ROBO2: variants seen among roughly 807,000 people sequenced by gnomAD.
The protein encoded by ROBO2 is roundabout homolog 2.
A neutral mutation model predicts 160.8 loss-of-function variants in ROBO2; 53 were observed. The observed-to-expected ratio is 0.33, with a 90% confidence interval of 0.26 to 0.41. ROBO2 has a LOEUF of 0.41. ROBO2 is among the 10% of genes least tolerant of loss of function. The pLI, the probability that ROBO2 is intolerant of heterozygous loss-of-function variation, is 1.00. For synonymous variants in ROBO2, 664 were observed against 611.7 expected (o/e 1.09, Z -1.26); for missense variants, 1,577 against 1,722.4 (o/e 0.92, Z 1.49).
At position 77,501,511 on chromosome 3, in the gene ROBO2, G is replaced by A. The variant is rs146939064; in HGVS notation, c.806+8129G>A. Among the ~76,000 whole-genome samples, 759 of 152,204 alleles carry A rather than the reference G, an allele frequency of 5.0e-3. 3 individuals carry two copies. The highest frequency in any genetic ancestry group is 0.017 in the African/African-American group (702 of 41,522). ...GTATAATAGAATTTAAGAGATCAAT[G>A]TTCTTATCCCAGCTCTGCCATAATT... is the stretch of plus-strand genomic sequence containing the variant. On this transcript the variant is annotated intron_variant, in intron 5 of 25. Transcript: ENST00000461745.
In ROBO2 at chr3:76,341,419, T is replaced by TAAAAAAAAA. The variant is rs71277587; in HGVS notation, c.109+403831_109+403839dup. Among the ~76,000 whole-genome samples, 7 of 44,242 alleles carry TAAAAAAAAA rather than the reference T, an allele frequency of 1.6e-4. 1 individual carries two copies. The highest frequency in any genetic ancestry group is 3.2e-4 in the Non-Finnish European group (7 of 21,728). 29.0% of individuals were successfully genotyped at this position (44,242 alleles called of 152,430 possible). ...GAATGCTTTTCGCTTTTTTAAAGCG[T>TAAAAAAAAA]AAAAAAAAAAAAAAAAAAAAAAGGA... On this transcript the variant is annotated intron_variant, in intron 2 of 26. Coordinates refer to the ROBO2 transcript ENST00000487694.
chr3:76,678,294 G>GT (rs1485960617), intron 2 of ROBO2, among the ~76,000 whole-genome samples: 1 of 151,996 alleles, frequency 6.6e-6, no homozygotes, highest in Non-Finnish European at 1.5e-5. Flanking sequence ...TAATTGTCGA[G>GT]TTTTTTCTTC....
intron 2 of ROBO2, among the ~76,000 whole-genome samples, chr3:76,538,262 C>T (rs2082624627): frequency 6.6e-6 from 1 of 152,024 alleles, no homozygotes. Context: ...TGTGTACAAA[C>T]TCAAAGAAGA....
intron 2 of ROBO2, among the ~76,000 whole-genome samples, chr3:77,337,970 T>C (rs181642659): frequency 5.3e-5 from 8 of 152,310 alleles, no homozygotes; most frequent in African/African-American, 1.9e-4. Flanking sequence ...ACGTATTGGT[T>C]GATGTTTCAT....
intron 13 of ROBO2, among the ~76,000 whole-genome samples, chr3:77,569,966 T>G (rs943598274): frequency 2.6e-5 from 4 of 152,046 alleles, no homozygotes; most frequent in Admixed American, 1.3e-4. Flanking sequence ...TTGGTTTCTA[T>G]TCTTCTGTTC....
intron 2 of ROBO2, among the ~76,000 whole-genome samples, chr3:77,452,699 A>G (rs2081242021): frequency 6.6e-6 from 1 of 152,184 alleles, no homozygotes; most frequent in Non-Finnish European, 1.5e-5. Context: ...TCCAGCTTAC[A>G]AGTGACAAGA....
chr3:77,156,004 C>T (rs532631045), intron 2 of ROBO2, among the ~76,000 whole-genome samples: 1 of 152,042 alleles, frequency 6.6e-6, no homozygotes, highest in Admixed American at 6.6e-5. Flanking sequence ...CTTTTATTGC[C>T]ACTCTTTCTA....
At chr3:76,323,929 A>T (rs986760623) in intron 2 of ROBO2, among the ~76,000 whole-genome samples, 1 of 152,178 alleles carries the variant, frequency 6.6e-6, no homozygotes, top group South Asian at 2.1e-4. Flanking sequence ...CCTCTCAATA[A>T]AAGTTTTAAG....
Position 76,234,429 on chromosome 3 carries a change from G to A in ROBO2, c.109+296827G>A, listed in dbSNP as rs140190891. Among the ~76,000 whole-genome samples, 233 of 152,200 alleles carry A rather than the reference G, an allele frequency of 1.5e-3. 1 individual carries two copies. The highest frequency in any genetic ancestry group is 4.9e-3 in the African/African-American group (202 of 41,532). On this transcript the variant is annotated intron_variant, in intron 2 of 26. Coordinates refer to the ROBO2 transcript ENST00000487694. ...TTATTGGGTTGGTGCAATAGTAATT[G>A]CAGTTTTTGCCATTACTTTTAGTGG...
intron 2 of ROBO2, among the ~76,000 whole-genome samples, chr3:76,724,366 A>G (rs946187000): frequency 6.6e-6 from 1 of 152,144 alleles, no homozygotes; most frequent in Admixed American, 6.5e-5. Context: ...TAATCCAACT[A>G]CCATCTTGAC....
chr3:77,021,140 G>T (rs938307431), intron 2 of ROBO2, among the ~76,000 whole-genome samples: 1 of 152,108 alleles, frequency 6.6e-6, no homozygotes, highest in Non-Finnish European at 1.5e-5. Flanking sequence ...GGTCGAGGTT[G>T]CAGTGAGCTA....
intron 2 of ROBO2, among the ~76,000 whole-genome samples, chr3:76,671,345 C>T (rs575311516): frequency 3.0e-4 from 46 of 152,220 alleles, no homozygotes; most frequent in Middle Eastern, 3.4e-3. Flanking sequence ...CTGGCCTTCT[C>T]CCCTGTAGAA....
intron 2 of ROBO2, among the ~76,000 whole-genome samples, chr3:77,394,439 A>G (rs1055182815): frequency 6.6e-6 from 1 of 152,140 alleles, no homozygotes; most frequent in Non-Finnish European, 1.5e-5. Context: ...GAAGTATTGA[A>G]CTACTATTAA....
intron 2 of ROBO2, among the ~76,000 whole-genome samples, chr3:76,945,135 G>A (rs970287914): frequency 4.6e-5 from 7 of 152,034 alleles, no homozygotes; most frequent in Non-Finnish European, 7.4e-5. Context: ...TGATCCGCCC[G>A]CCTCCGCCTC....
intron 2 of ROBO2, among the ~76,000 whole-genome samples, chr3:77,269,145 A>G (rs1277458541): frequency 6.6e-6 from 1 of 152,142 alleles, no homozygotes; most frequent in Non-Finnish European, 1.5e-5. Flanking sequence ...TAATTTCCTT[A>G]CACTATAGTG....
chr3:77,288,426 C>T (rs2060769505), intron 2 of ROBO2, among the ~76,000 whole-genome samples: 1 of 152,168 alleles, frequency 6.6e-6, no homozygotes, highest in Non-Finnish European at 1.5e-5. Context: ...TTTTTCTGGA[C>T]ATGTAGCTGG....
chr3:77,631,051 A>C (rs2153712793), intron 23 of ROBO2: 1 of 151,004 alleles, frequency 6.6e-6, no homozygotes, highest in South Asian at 2.1e-4. Context: ...GTGGTTATTA[A>C]CCCAGAAATG....
intron 2 of ROBO2, among the ~76,000 whole-genome samples, chr3:76,953,955 C>T (rs559000617): frequency 5.7e-4 from 86 of 152,152 alleles, no homozygotes; most frequent in African/African-American, 2.0e-3. Flanking sequence ...TTTAAAATTC[C>T]ATATAGCTGT....
intron 2 of ROBO2, among the ~76,000 whole-genome samples, chr3:76,275,961 T>C (rs1264003134): frequency 1.3e-5 from 2 of 152,000 alleles, no homozygotes; most frequent in African/African-American, 4.8e-5. Flanking sequence ...TTAATGGATG[T>C]TTTCATTTTA....
Sources: allele counts gnomAD v4.1 joint callset (sites outside exome capture counted in the v4.1 genomes callset), GRCh38; gene constraint gnomAD v4.1.1; transcripts MANE v1.5; gene names NCBI Gene and HGNC (gene_info 2026-07-23, HGNC 2026-07-21).